MAP3K9: variants seen among roughly 807,000 people sequenced by gnomAD.
The protein encoded by MAP3K9 is mitogen-activated protein kinase kinase kinase 9, also known as mixed lineage kinase 1 (tyr and ser/thr specificity).
In MAP3K9, 46 loss-of-function variants were observed where a neutral mutation model predicts 95.8. That is an observed-to-expected ratio of 0.48 (90% CI 0.38 to 0.61). The LOEUF is 0.61. Ranked by LOEUF, MAP3K9 falls within the 20% of genes least tolerant of loss-of-function variation. The pLI, the probability that MAP3K9 is intolerant of heterozygous loss-of-function variation, is 0.00. For synonymous variants in MAP3K9, 533 were observed against 593.8 expected, an observed-to-expected ratio of 0.90 and a Z score of 1.49; for missense variants, 1,296 against 1,474.3, an observed-to-expected ratio of 0.88 and a Z score of 1.98.
chr14:70,736,786 C>G (rs79402258), intron 8 of MAP3K9, among the ~76,000 whole-genome samples: 6,871 of 152,272 alleles, frequency 0.045, 536 homozygotes, highest in African/African-American at 0.15. Context: ...TGCCATCCCC[C>G]AAGGATTCCA....
rs375119611 is a variant in MAP3K9, at chr14:70,733,126, C to G, written c.2243G>C (p.Arg748Pro). 1 of 1,613,804 alleles carries G rather than the reference C, an allele frequency of 6.2e-7. No homozygotes were observed. The highest frequency in any genetic ancestry group is 8.5e-7 in the Non-Finnish European group (1 of 1,179,842). ...SLKRGGAHHR[R>P]CEVALLGCGA... ...ACAGCCGAGCAGAGCCACCTCGCAGCGGCGGTGGTGGGCACCGCCCCGCTT... is the reference window on the plus strand; with the variant it reads ...ACAGCCGAGCAGAGCCACCTCGCAGGGGCGGTGGTGGGCACCGCCCCGCTT... Residue 748 changes from arginine to proline, a missense_variant, in exon 11 of 12, where the codon CGC becomes CCC. Arg to Pro is a moderately radical substitution (Grantham distance 103). Around this residue, in one of 5 missense-constraint regions of MAP3K9, gnomAD observed 377 missense variants for 417.1 expected, o/e 0.90. Coordinates refer to ENST00000554752, the MANE Select transcript of MAP3K9 (RefSeq NM_001284230.2).
At chr14:70,784,213 G>A (rs1385496282) in intron 2 of MAP3K9, among the ~76,000 whole-genome samples, 1 of 152,036 alleles carries the variant, frequency 6.6e-6, no homozygotes, top group African/African-American at 2.4e-5. Flanking sequence ...AACCCGGGAG[G>A]TGGAGGCTGC....
chr14:70,739,943 T>TATGG, intron 7 of MAP3K9, 99 bp downstream of exon 7: 1 of 1,614,050 alleles, frequency 6.2e-7, no homozygotes, highest in Middle Eastern at 1.6e-4. Flanking sequence ...TGGCAGAAGT[T>TATGG]ATGGATGGAG....
At chr14:70,743,268 G>A (rs530628436) in intron 5 of MAP3K9, among the ~76,000 whole-genome samples, 4 of 152,200 alleles carry the variant, frequency 2.6e-5, no homozygotes, top group East Asian at 1.9e-4. Flanking sequence ...GATAACAGGC[G>A]TGAGTCACTG....
At chr14:70,767,783 G>C (rs752958262) in intron 2 of MAP3K9, among the ~76,000 whole-genome samples, 7 of 152,166 alleles carry the variant, frequency 4.6e-5, no homozygotes, top group Non-Finnish European at 1.0e-4. Flanking sequence ...TGAACTACTG[G>C]GCTCAAGCGT....
intron 2 of MAP3K9, among the ~76,000 whole-genome samples, chr14:70,798,483 T>TTTTTTTTTTA (rs2054890955): frequency 7.5e-6 from 1 of 132,534 alleles, no homozygotes; most frequent in Non-Finnish European, 1.6e-5. Flanking sequence ...TTTTTTTTTT[T>TTTTTTTTTTA]TTTTTTTTTT....
rs2053815486 is a variant in MAP3K9 at position 70,725,972 on chromosome 14, CCAGTTCA to C, written c.*4401_*4407del. The C allele has an allele frequency of 6.6e-6, 1 of 152,200 alleles. No homozygotes were observed. Among genetic ancestry groups the C allele is most frequent in the Admixed American group, 6.5e-5 (1 of 15,278 alleles). 9.4% of individuals were successfully genotyped at this position (152,200 alleles called of 1,614,324 possible). On this transcript the variant is annotated 3_prime_UTR_variant, in exon 12 of 12. Transcript: ENST00000554752. ...GGAGGGAAAGTAGATAGCATCGTCC[CCAGTTCA>C]CAGTAGGCTTCTGAAGTCCAGTGAG... is the stretch of plus-strand genomic sequence containing the variant.
intron 2 of MAP3K9, among the ~76,000 whole-genome samples, chr14:70,795,799 C>T (rs534616667): frequency 6.6e-6 from 1 of 151,020 alleles, no homozygotes; most frequent in African/African-American, 2.4e-5. Context: ...GTCTCTGTCA[C>T]CCAGGCTGGA....
rs2054921386 is a variant in MAP3K9 at position 70,800,877 on chromosome 14, T to C, written c.610A>G (p.Ile204Val). The C allele has an allele frequency of 1.2e-6, 2 of 1,614,054 alleles. No individual in the cohort carries two copies. The highest frequency in any genetic ancestry group is 1.7e-6 in the Non-Finnish European group (2 of 1,180,048). ...LFAMLKHPNI[I>V]ALRGVCLKEP... ...TTCAGACATACCCCTCTTAGGGCAATGATGTTGGGGTGCTTCAGCATGGCG... is the reference window on the plus strand; with the variant it reads ...TTCAGACATACCCCTCTTAGGGCAACGATGTTGGGGTGCTTCAGCATGGCG... Residue 204 changes from isoleucine (I) to valine (V), a missense_variant, in exon 2 of 12, where the codon ATT (isoleucine) becomes GTT (valine). Physicochemically the swap from Ile to Val is conservative, Grantham distance 29 (BLOSUM62 3). Transcript: ENST00000554752.
intron 4 of MAP3K9, 149 bp downstream of exon 4, chr14:70,749,784 C>G (rs1294925013): frequency 3.5e-6 from 3 of 850,898 alleles, no homozygotes; most frequent in Non-Finnish European, 5.4e-6. Context: ...CTTGAAGAAG[C>G]CTTTCCAGTT....
rs531819852 is a variant in MAP3K9, at chr14:70,775,597, A to G, written c.821-14415T>C. Among the ~76,000 whole-genome samples, 5 of 152,284 alleles carry G rather than the reference A, an allele frequency of 3.3e-5. No homozygotes were observed. The South Asian group carries it at 1.0e-3, about 32-fold the overall frequency. ...TCCGGAATGGACCAATGCCCATAAC[A>G]CTACTGAACACAGAGCCCAGCACTA... On this transcript the variant is annotated intron_variant, in intron 2 of 11. Coordinates refer to ENST00000554752, the MANE Select transcript of MAP3K9 (RefSeq NM_001284230.2).
chr14:70,723,272 T>G lies in MAP3K9; in HGVS notation c.*7108A>C, dbSNP rs1423136498. 2 of 152,350 alleles carry G rather than the reference T, an allele frequency of 1.3e-5. No individual in the cohort carries two copies. The highest frequency in any genetic ancestry group is 3.9e-4 in the East Asian group (2 of 5,190). 9.4% of individuals were successfully genotyped at this position (152,350 alleles called of 1,614,324 possible). On this transcript the variant is annotated 3_prime_UTR_variant, in exon 12 of 12. Coordinates refer to ENST00000554752, the MANE Select transcript of MAP3K9 (RefSeq NM_001284230.2). ...GAATGAAGAGCAGCAACAGGGCACC[T>G]GCAGGCTGGAAACAGGAGAGAGGCT...
intron 2 of MAP3K9, among the ~76,000 whole-genome samples, chr14:70,781,703 A>G (rs962494414): frequency 1.3e-5 from 2 of 152,238 alleles, no homozygotes; most frequent in East Asian, 3.8e-4. Context: ...TTATAATGCC[A>G]TGAGTAAATA....
chr14:70,762,931 A>T (rs2054394960), intron 2 of MAP3K9, among the ~76,000 whole-genome samples: 1 of 152,214 alleles, frequency 6.6e-6, no homozygotes, highest in Non-Finnish European at 1.5e-5. Flanking sequence ...GTCGAATTTC[A>T]TTCTTTTGCA....
intron 3 of MAP3K9, among the ~76,000 whole-genome samples, chr14:70,758,612 A>G (rs958296927): frequency 1.3e-5 from 2 of 152,230 alleles, no homozygotes; most frequent in African/African-American, 2.4e-5. Context: ...ACAAGTGTCC[A>G]TAGCAGCATT....
intron 3 of MAP3K9, among the ~76,000 whole-genome samples, chr14:70,759,423 C>T (rs536347838): frequency 7.2e-5 from 11 of 152,228 alleles, no homozygotes; most frequent in African/African-American, 2.6e-4. Context: ...GCCTGGGCAA[C>T]AGAGTAAGAC....
At chr14:70,773,376 C>G (rs776368580) in intron 2 of MAP3K9, among the ~76,000 whole-genome samples, 8 of 152,138 alleles carry the variant, frequency 5.3e-5, no homozygotes, top group Non-Finnish European at 7.4e-5. Flanking sequence ...GCTACATTAG[C>G]AATCCTGGCA....
chr14:70,732,394 C>A lies in MAP3K9; in HGVS notation c.2830+145G>T, dbSNP rs113972051. The A allele has an allele frequency of 4.7e-6, 6 of 1,288,546 alleles. No individual in the cohort carries two copies. In the African/African-American group the frequency reaches 9.1e-5, roughly 20 times the overall value. 79.8% of individuals were successfully genotyped at this position (1,288,546 alleles called of 1,614,324 possible). The stretch of plus-strand genomic sequence containing the variant: ...AGCCAGCCCTGGCTGCCTCCCTGAT[C>A]CCAGATCTGTATTTCTTGATTGGCT... On this transcript the variant is annotated intron_variant, in intron 11 of 11. Coordinates refer to ENST00000554752, the MANE Select transcript of MAP3K9 (RefSeq NM_001284230.2).
chr14:70,787,970 C>T (rs2054766281), intron 2 of MAP3K9, among the ~76,000 whole-genome samples: 1 of 152,112 alleles, frequency 6.6e-6, no homozygotes, highest in Non-Finnish European at 1.5e-5. Flanking sequence ...AACAGCAACA[C>T]CTCTGCTGTC....
Sources: gnomAD v4.1 joint callset for allele counts (sites outside exome capture counted in the v4.1 genomes callset) on GRCh38, gnomAD v4.1.1 for gene constraint, gnomAD v4.1.1 regional missense constraint, MANE v1.5 for transcripts, NCBI Gene and HGNC (gene_info 2026-07-23, HGNC 2026-07-21) for gene names.